Variants in TTN observed in about 807,000 individuals in gnomAD.
The protein encoded by TTN is titin.
TTN carries 1,525 observed loss-of-function variants against 3,223.0 expected under a neutral mutation model. That is an observed-to-expected ratio of 0.47 (90% CI 0.45 to 0.49). The LOEUF (loss-of-function observed/expected upper bound fraction) is 0.49. Among genes scored for constraint, TTN ranks in the 20% least tolerant of loss-of-function variants. The pLI is 0.00. For missense variants in TTN, 40,786 were observed against 43,424.0 expected (o/e 0.94, Z 5.40); for synonymous variants, 14,094 against 15,161.0 (o/e 0.93, Z 5.17).
Position 178,717,131 on chromosome 2 carries a change from C to G in TTN, c.25603G>C (p.Gly8535Arg). ...QYTCYASNIA[G>R]KDSCSAQLGV... ...AGCTGAGCAGAACAAGAGTCTTTTCCAGCGATGTTGCTTGCATAGCAGGTG... is the reference window on the plus strand; with the variant it reads ...AGCTGAGCAGAACAAGAGTCTTTTCGAGCGATGTTGCTTGCATAGCAGGTG... Residue 8535 changes from glycine (G) to arginine (R), a missense_variant, in exon 88 of 363, where the codon GGA becomes CGA. Physicochemically the swap from Gly to Arg is moderately radical, Grantham distance 125 (BLOSUM62 -2). Transcript: ENST00000589042. 1 of 1,613,314 alleles carries G rather than the reference C, an allele frequency of 6.2e-7. No individual in the cohort carries two copies. Among genetic ancestry groups the G allele is most frequent in the East Asian group, 2.2e-5 (1 of 44,854 alleles).
In TTN at chr2:178,633,441, G is replaced by A. The variant is rs537375897; in HGVS notation, c.42918C>T (p.Asp14306=). Residue 14306 remains aspartate, a synonymous_variant, in exon 232 of 363, where the codon GAC becomes GAT. Coordinates refer to ENST00000589042, the MANE Select transcript of TTN (RefSeq NM_001267550.2). ...KGEYVCDCGT[D]KTKANVTVEA... ...CAACAGTAACATTTGCCTTGGTCTT[G>A]TCTGTGCCACAGTCACACACATATT... The A allele has an allele frequency of 2.0e-5, 33 of 1,613,360 alleles. No individual in the cohort carries two copies. The South Asian group carries it at 3.4e-4, about 17-fold the overall frequency.
intron 6 of TTN, among the ~76,000 whole-genome samples, chr2:178,797,364 C>A (rs1202853854): frequency 6.9e-6 from 1 of 145,972 alleles, no homozygotes; most frequent in Non-Finnish European, 1.5e-5. Flanking sequence ...TGGAAAACAT[C>A]TAGCATTTTT....
At position 178,771,470 on chromosome 2, in the gene TTN, A is replaced by G. The variant is rs778669932; in HGVS notation, c.7857T>C (p.Gly2619=). ...CTGTGAGTGGCTTGGAGATGGCCCC[A>G]CCTTTGGAACAAGAGATGTACAGTA... ...NMTSGKLTVA[G]GAISKPLTDQ... is the part of the protein sequence containing the mutation. The change falls in exon 34 of 363, where the codon GGT becomes GGC. Residue 2619 remains glycine, a splice_region_variant and synonymous_variant. Coordinates refer to ENST00000589042, the MANE Select transcript of TTN (RefSeq NM_001267550.2). The G allele has an allele frequency of 2.5e-6, 4 of 1,613,900 alleles. No individual in the cohort carries two copies. In the Admixed American group the frequency reaches 6.7e-5, roughly 27 times the overall value.
intron 242 of TTN, among the ~76,000 whole-genome samples, chr2:178,623,234 C>T (rs1209564429): frequency 6.6e-6 from 1 of 151,820 alleles, no homozygotes; most frequent in African/African-American, 2.4e-5. Context: ...TTGTGTATGG[C>T]TAAGAGGCAT....
rs2068962604 is a variant in TTN at position 178,679,954 on chromosome 2, T to G, written c.33520A>C (p.Ile11174Leu). 1 of 1,612,748 alleles carries G rather than the reference T, an allele frequency of 6.2e-7. No homozygotes were observed. Among genetic ancestry groups the G allele is most frequent in the South Asian group, 1.1e-5 (1 of 91,044 alleles). ...EYLVEEEEEYIHEEEEFITEE... is the reference protein window; with the variant it reads ...EYLVEEEEEYLHEEEEFITEE... ...GTTATGAACTCCTCTTCTTCATGAA[T>G]GTACTCTTCTTCTTCTTCTACAAGA... Residue 11174 changes from isoleucine (I) to leucine (L), a missense_variant, in exon 140 of 363, where the codon ATT (isoleucine) becomes CTT (leucine). Transcript: ENST00000589042.
At chr2:178,748,189 T>C in intron 47 of TTN, 1 of 1,613,172 alleles carries the variant, frequency 6.2e-7, no homozygotes. Context: ...CAGATGAGGT[T>C]GGAAGTAGGG....
intron 282 of TTN, among the ~76,000 whole-genome samples, chr2:178,603,411 T>C (rs1187678409): frequency 6.6e-6 from 1 of 152,012 alleles, no homozygotes; most frequent in Admixed American, 6.6e-5. Flanking sequence ...TCTCTCTTAT[T>C]TGACCTCACA....
Position 178,688,808 on chromosome 2 carries a change from A to G in TTN, c.32096-30T>C, listed in dbSNP as rs143507655. 43 of 1,537,360 alleles carry G rather than the reference A, an allele frequency of 2.8e-5. No homozygotes were observed. In the African/African-American group the frequency reaches 4.1e-4, roughly 15 times the overall value. On this transcript the variant is annotated intron_variant, in intron 125 of 362. Coordinates refer to ENST00000589042, the MANE Select transcript of TTN (RefSeq NM_001267550.2). ...AAGAAAGTGTTAAAGTTGAAGTTTAAAATCAAGAATTTTAACAATTCTCAC... is the reference window on the plus strand; with the variant it reads ...AAGAAAGTGTTAAAGTTGAAGTTTAGAATCAAGAATTTTAACAATTCTCAC...
At position 178,629,529 on chromosome 2, in the gene TTN, G is replaced by T. The variant is rs143420732; in HGVS notation, c.44282-86C>A. On this transcript the variant is annotated intron_variant, in intron 239 of 362. Transcript: ENST00000589042. The stretch of plus-strand genomic sequence containing the variant: ...AGAGACTTAGATATGAATCTTCATG[G>T]TTGCTTTCTTCAAGAAGCCACAGGA... 2.7e-5 allele frequency: 42 copies of T among 1,581,994 alleles called. No homozygotes were observed. In the East Asian group the frequency reaches 9.3e-4, roughly 35 times the overall value.
rs145520397 is a variant in TTN at position 178,619,624 on chromosome 2, C to A, written c.46693G>T (p.Ala15565Ser). Reference sequence around the variant, plus strand: ...ATTTTAAAATAAAGGGACTGACCTGCCAGTTCAAGCTTAGCTCTGGCTTCT... The same window carrying A: ...ATTTTAAAATAAAGGGACTGACCTGACAGTTCAAGCTTAGCTCTGGCTTCT... ...DKEARAKLEL[A>S]AAPKIKTADQ... The change falls in exon 250 of 363, where the codon GCA becomes TCA. Residue 15565 changes from alanine (A) to serine (S), a missense_variant. Ala to Ser is a moderately conservative substitution (Grantham distance 99). Coordinates refer to ENST00000589042, the MANE Select transcript of TTN (RefSeq NM_001267550.2). 3.5e-4 allele frequency: 568 copies of A among 1,611,348 alleles called. No homozygotes were observed. In the African/African-American group the frequency reaches 6.1e-3, roughly 17 times the overall value.
At position 178,581,532 on chromosome 2, in the gene TTN, C is replaced by T. The variant is rs1393150545; in HGVS notation, c.66736G>A (p.Val22246Met). ...TCCTTGGGATAGTGTTTATCTGGCA[C>T]ATCACTGGGGTCACTGTATCCAATC... is the stretch of plus-strand genomic sequence containing the variant. ...NKIGYSDPSD[V>M]PDKHYPKDIL... Residue 22246 changes from valine (V) to methionine (M), a missense_variant, in exon 316 of 363, where the codon GTG becomes ATG. Val to Met is a conservative substitution (Grantham distance 21). Transcript: ENST00000589042. 1.6e-5 allele frequency: 26 copies of T among 1,606,728 alleles called. No individual in the cohort carries two copies. Among genetic ancestry groups the T allele is most frequent in the East Asian group, 2.2e-5 (1 of 44,582 alleles).
rs1357533857 is a variant in TTN at position 178,691,955 on chromosome 2, G to A, written c.31762+61C>T. On this transcript the variant is annotated intron_variant, in intron 121 of 362. Transcript: ENST00000589042. ...AGGCAGCATAGTACATATGAAGATC[G>A]TAGAAAGCAAAAGGCTGGCACTTGG... 9.1e-6 allele frequency: 13 copies of A among 1,426,394 alleles called. No homozygotes were observed. The East Asian group carries it at 9.1e-5, about 10-fold the overall frequency. The allele number at this position is 1,426,394 out of a possible 1,614,324, so 88.4% of individuals were successfully genotyped here.
In TTN at chr2:178,606,932, G is replaced by A. The variant is rs926523612; in HGVS notation, c.53581+89C>T. ...CTCTTTAGCTATAGATTTTGAGACT[G>A]TTGGGAGTTTGAAGCCATAAAGCTC... On this transcript the variant is annotated intron_variant, in intron 278 of 362. Coordinates refer to ENST00000589042, the MANE Select transcript of TTN (RefSeq NM_001267550.2). The A allele has an allele frequency of 1.8e-5, 26 of 1,432,174 alleles. 1 individual carries two copies. In the Admixed American group the frequency reaches 4.3e-4, roughly 23 times the overall value. The allele number at this position is 1,432,174 out of a possible 1,614,324, so 88.7% of individuals were successfully genotyped here. A position where few individuals can be genotyped will look rare whatever the true frequency, so the allele number is the denominator to read the frequency against.
At position 178,608,072 on chromosome 2, in the gene TTN, C is replaced by T. The variant is rs867992198; in HGVS notation, c.52715G>A (p.Gly17572Glu). ...KTAHDPISPP[G>E]PPIPRVTDTS... ...GTCAGTGACTCTTGGGATAGGTGGC[C>T]CAGGAGGAGCTAGAATGAATGAAGA... Residue 17572 changes from glycine (G) to glutamate (E), a missense_variant, in exon 276 of 363, where the codon GGG (glycine) becomes GAG (glutamate). Physicochemically the swap from Gly to Glu is moderately conservative, Grantham distance 98. Transcript: ENST00000589042. 1 of 1,611,962 alleles carries T rather than the reference C, an allele frequency of 6.2e-7. No individual in the cohort carries two copies. The highest frequency in any genetic ancestry group is 1.3e-5 in the African/African-American group (1 of 74,904).
Position 178,672,291 on chromosome 2 carries a change from CT to C in TTN, c.34931-25del. 3.1e-6 allele frequency: 5 copies of C among 1,600,440 alleles called. No homozygotes were observed. In the South Asian group the frequency reaches 4.5e-5, roughly 14 times the overall value. On this transcript the variant is annotated intron_variant, in intron 154 of 362. Transcript: ENST00000589042. Reference sequence around the variant, plus strand: ...CCCTGAAAGAGCATCTATTTTAAGACTTATTTTTTTAAACACTGAAGAAATA... The same window carrying C: ...CCCTGAAAGAGCATCTATTTTAAGACTATTTTTTTAAACACTGAAGAAATA...
chr2:178,553,006 A>T lies in TTN; in HGVS notation c.89894T>A (p.Ile29965Lys). 1 of 1,611,820 alleles carries T rather than the reference A, an allele frequency of 6.2e-7. No individual in the cohort carries two copies. Among genetic ancestry groups the T allele is most frequent in the South Asian group, 1.1e-5 (1 of 91,074 alleles). ...TCTCTTTTCAATGACATAATTAATT[A>T]TTGGAGATCCTCCATCAATGAGAGG... ...DPPLIDGGSP[I>K]INYVIEKRDA... is the part of the protein sequence containing the mutation. Residue 29965 changes from isoleucine (I) to lysine (K), a missense_variant, in exon 335 of 363, where the codon ATA (isoleucine) becomes AAA (lysine). By Grantham distance (102) the Ile-to-Lys change is moderately radical. Transcript: ENST00000589042.
chr2:178,551,122 C>G lies in TTN; in HGVS notation c.91409G>C (p.Arg30470Thr), dbSNP rs371081348. The G allele has an allele frequency of 6.2e-7, 1 of 1,613,516 alleles. No individual in the cohort carries two copies. The highest frequency in any genetic ancestry group is 1.7e-5 in the Admixed American group (1 of 59,980). Residue 30470 changes from arginine to threonine, a missense_variant, in exon 336 of 363, where the codon AGA becomes ACA. Arg to Thr is a moderately conservative substitution (Grantham distance 71). Coordinates refer to ENST00000589042, the MANE Select transcript of TTN (RefSeq NM_001267550.2). ...TTCACTGACGTCAGTAAAGTTGCAT[C>G]TCACCCAGCGTTCATTTCCTTGCCG... Reference protein sequence around the residue: ...EKRQGNERWVRCNFTDVSECQ... With the variant: ...EKRQGNERWVTCNFTDVSECQ...
At position 178,724,696 on chromosome 2, in the gene TTN, G is replaced by A. The variant is rs569957629; in HGVS notation, c.20837-158C>T. 17 of 623,538 alleles carry A rather than the reference G, an allele frequency of 2.7e-5. No individual in the cohort carries two copies. In the Admixed American group the frequency reaches 5.9e-4, roughly 22 times the overall value. The allele number at this position is 623,538 out of a possible 1,614,324, so 38.6% of individuals were successfully genotyped here. Reference sequence around the variant, plus strand: ...GATTCCATAATTACATGCAGTCATAGAATTATAGCTATTTTTTATTTTAAT... The same window carrying A: ...GATTCCATAATTACATGCAGTCATAAAATTATAGCTATTTTTTATTTTAAT... On this transcript the variant is annotated intron_variant, in intron 71 of 362. Coordinates refer to ENST00000589042, the MANE Select transcript of TTN (RefSeq NM_001267550.2).
intron 353 of TTN, 43 bp from the exon 354 acceptor site, chr2:178,538,882 G>A (rs773167966): frequency 1.3e-6 from 2 of 1,578,946 alleles, no homozygotes; most frequent in Admixed American, 3.5e-5. Flanking sequence ...AGCTTTACTG[G>A]TGAAATAAAA....
Sources: gnomAD v4.1 joint callset for allele counts (sites outside exome capture counted in the v4.1 genomes callset) on GRCh38, gnomAD v4.1.1 for gene constraint, MANE v1.5 for transcripts, NCBI Gene and HGNC (gene_info 2026-07-23, HGNC 2026-07-21) for gene names.